The following PLCB1 variants were observed in gnomAD, a reference collection of about 807,000 sequenced individuals.
The protein encoded by PLCB1 is phospholipase C beta 1, also known as 1-phosphatidylinositol 4,5-bisphosphate phosphodiesterase beta-1.
In PLCB1, 46 loss-of-function variants were observed where a neutral mutation model predicts 161.8. That is an observed-to-expected ratio of 0.28 (90% confidence interval 0.22 to 0.36). The LOEUF (loss-of-function observed/expected upper bound fraction) is 0.36. Ranked by LOEUF, PLCB1 falls within the 10% of genes least tolerant of loss-of-function variation. The pLI, the probability that PLCB1 is intolerant of heterozygous loss-of-function variation, is 1.00. For synonymous variants in PLCB1, 517 were observed against 503.7 expected, an observed-to-expected ratio of 1.03 and a Z score of -0.35; for missense variants, 1,016 against 1,472.5, an observed-to-expected ratio of 0.69 and a Z score of 5.07.
intron 2 of PLCB1, among the ~76,000 whole-genome samples, chr20:8,332,672 A>T (rs1985411441): frequency 6.6e-6 from 1 of 152,230 alleles, no homozygotes; most frequent in African/African-American, 2.4e-5. Flanking sequence ...GTCAGACTCT[A>T]GTGACAGTGC....
intron 3 of PLCB1, among the ~76,000 whole-genome samples, chr20:8,484,376 T>C (rs1982634406): frequency 6.6e-6 from 1 of 151,754 alleles, no homozygotes; most frequent in Non-Finnish European, 1.5e-5. Flanking sequence ...TTTTTTTTTT[T>C]TTTTAAATGG....
intron 2 of PLCB1, among the ~76,000 whole-genome samples, chr20:8,230,450 A>G (rs1031881674): frequency 1.3e-5 from 2 of 152,124 alleles, no homozygotes; most frequent in Non-Finnish European, 1.5e-5. Context: ...GAAATAAACA[A>G]TATATACAAT....
intron 2 of PLCB1, among the ~76,000 whole-genome samples, chr20:8,313,008 A>G (rs1320897421): frequency 6.6e-6 from 1 of 152,178 alleles, no homozygotes. Flanking sequence ...ATTTGTATTT[A>G]ATAAAATGTG....
In PLCB1 at chr20:8,238,321, C is replaced by T. The variant is rs528058164; in HGVS notation, c.177+87950C>T. On this transcript the variant is annotated intron_variant, in intron 2 of 31. Coordinates refer to ENST00000338037, the MANE Select transcript of PLCB1 (RefSeq NM_015192.4). ...TCAGACATGTCAGTGAGGTGATACT[C>T]ATATAGGAGTCAGTTACCTAAAAGT... Among the ~76,000 whole-genome samples, 14 of 152,082 alleles carry T rather than the reference C, an allele frequency of 9.2e-5. No individual in the cohort carries two copies. In the East Asian group the frequency reaches 2.7e-3, roughly 30 times the overall value.
intron 2 of PLCB1, among the ~76,000 whole-genome samples, chr20:8,327,234 C>A (rs759287629): frequency 3.3e-5 from 5 of 152,152 alleles, no homozygotes. Flanking sequence ...TTTAATGTGA[C>A]CCTACTCCAT....
chr20:8,683,280 A>T (rs1990266832), intron 9 of PLCB1, among the ~76,000 whole-genome samples: 1 of 152,114 alleles, frequency 6.6e-6, no homozygotes. Context: ...TATCTCTGAA[A>T]GAAAAGTTAG....
intron 2 of PLCB1, among the ~76,000 whole-genome samples, chr20:8,277,175 A>G (rs1459673805): frequency 6.6e-6 from 1 of 151,530 alleles, no homozygotes; most frequent in East Asian, 1.9e-4. Context: ...TAAGTTTTGT[A>G]TTTTTAGTAG....
At chr20:8,219,787 G>C (rs1222877861) in intron 2 of PLCB1, among the ~76,000 whole-genome samples, 6 of 152,106 alleles carry the variant, frequency 3.9e-5, no homozygotes, top group African/African-American at 1.4e-4. Flanking sequence ...CATTATTAGA[G>C]GGATACATAA....
At chr20:8,514,397 G>A (rs111627719) in intron 3 of PLCB1, among the ~76,000 whole-genome samples, 5,192 of 146,132 alleles carry the variant, frequency 0.036, 310 homozygotes, top group African/African-American at 0.12. Flanking sequence ...CTGAGATTAG[G>A]CCACTACACT....
intron 7 of PLCB1, among the ~76,000 whole-genome samples, chr20:8,656,424 A>G (rs1989457607): frequency 1.3e-5 from 2 of 152,078 alleles, no homozygotes; most frequent in African/African-American, 4.8e-5. Context: ...AAAAATAAAA[A>G]TAATCACATT....
At chr20:8,716,506 A>C (rs1166775203) in intron 13 of PLCB1, among the ~76,000 whole-genome samples, 158 bp downstream of exon 13, 2 of 152,170 alleles carry the variant, frequency 1.3e-5, no homozygotes, top group African/African-American at 4.8e-5. Flanking sequence ...AATGGGCCCC[A>C]CTAAGGGTAG....
At chr20:8,171,625 T>C (rs1239956484) in intron 2 of PLCB1, among the ~76,000 whole-genome samples, 1 of 152,180 alleles carries the variant, frequency 6.6e-6, no homozygotes, top group Non-Finnish European at 1.5e-5. Context: ...CTTAAGGTTG[T>C]GTTAGGGATT....
chr20:8,634,278 T>A (rs1406465669), intron 4 of PLCB1, among the ~76,000 whole-genome samples: 2 of 152,212 alleles, frequency 1.3e-5, no homozygotes, highest in Non-Finnish European at 2.9e-5. Context: ...ACAGAAGAAA[T>A]GCGCTCTCTA....
chr20:8,259,451 A>G (rs569093794), intron 2 of PLCB1, among the ~76,000 whole-genome samples: 1 of 152,050 alleles, frequency 6.6e-6, no homozygotes, highest in African/African-American at 2.4e-5. Flanking sequence ...CCCTATCTCT[A>G]CTAAAAATAT....
At position 8,523,486 on chromosome 20, in the gene PLCB1, CTCTCTCTCTCTATA is replaced by C. The variant is rs1376961360; in HGVS notation, c.247-104806_247-104793del. Among the ~76,000 whole-genome samples, 258 of 61,164 alleles carry C rather than the reference CTCTCTCTCTCTATA, an allele frequency of 4.2e-3. 10 individuals carry two copies. Among genetic ancestry groups the C allele is most frequent in the Non-Finnish European group, 6.0e-3 (188 of 31,418 alleles). 40.1% of individuals were successfully genotyped at this position (61,164 alleles called of 152,430 possible). ...TTTGGCTCTCTCTCTCTCTCTCTCT[CTCTCTCTCTCTATA>C]TATATATATATATATATATATGGAG... On this transcript the variant is annotated intron_variant, in intron 3 of 31. Coordinates refer to ENST00000338037, the MANE Select transcript of PLCB1 (RefSeq NM_015192.4).
At chr20:8,518,780 C>T (rs1984237026) in intron 3 of PLCB1, among the ~76,000 whole-genome samples, 1 of 151,848 alleles carries the variant, frequency 6.6e-6, no homozygotes. Flanking sequence ...TAATGAAATA[C>T]TTATACAACT....
intron 2 of PLCB1, among the ~76,000 whole-genome samples, chr20:8,240,847 G>A (rs1162440961): frequency 2.0e-5 from 3 of 152,012 alleles, no homozygotes; most frequent in Middle Eastern, 3.4e-3. Flanking sequence ...AGAAAATAAT[G>A]TATATTAAAC....
At chr20:8,295,224 A>G (rs780992344) in intron 2 of PLCB1, among the ~76,000 whole-genome samples, 5 of 152,192 alleles carry the variant, frequency 3.3e-5, no homozygotes, top group Non-Finnish European at 7.3e-5. Context: ...TGATATAGGT[A>G]ACCTTCTATG....
At chr20:8,803,203 A>G (rs1376149638) in intron 31 of PLCB1, among the ~76,000 whole-genome samples, 1 of 151,506 alleles carries the variant, frequency 6.6e-6, no homozygotes, top group Non-Finnish European at 1.5e-5. Flanking sequence ...ATCCTGTTAA[A>G]CTGCAGACAC....
Sources: gnomAD v4.1 joint callset for allele counts (sites outside exome capture counted in the v4.1 genomes callset) on GRCh38, gnomAD v4.1.1 for gene constraint, MANE v1.5 for transcripts, NCBI Gene and HGNC (gene_info 2026-07-23, HGNC 2026-07-21) for gene names.